PSD3: variants seen among roughly 807,000 people sequenced by gnomAD.
The protein encoded by PSD3 is PH and SEC7 domain-containing protein 3.
In PSD3, 49 loss-of-function variants were observed where a neutral mutation model predicts 105.5. The observed-to-expected ratio is 0.46, with a 90% CI of 0.37 to 0.59. PSD3 has a LOEUF of 0.59. Among genes scored for constraint, PSD3 ranks in the 20% least tolerant of loss-of-function variants. PSD3 has a pLI of 0.00. For missense variants in PSD3, 1,561 were observed against 1,263.8 expected, an observed-to-expected ratio of 1.24 and a Z score of -3.57; for synonymous variants, 557 against 457.8, an observed-to-expected ratio of 1.22 and a Z score of -2.77.
chr8:19,071,515 G>T (rs527461588), intron 1 of PSD3, among the ~76,000 whole-genome samples: 6 of 152,232 alleles, frequency 3.9e-5, no homozygotes, highest in Admixed American at 2.0e-4. Flanking sequence ...GAAGAGAAAC[G>T]GGAAGGCTGT....
At chr8:18,705,725 G>A (rs529438173) in intron 9 of PSD3, among the ~76,000 whole-genome samples, 204 of 152,156 alleles carry the variant, frequency 1.3e-3, no homozygotes, top group African/African-American at 4.5e-3. Context: ...AAGTCTTAAA[G>A]AAAGTGACAT....
At chr8:18,633,461 C>A (rs1023739336) in intron 10 of PSD3, among the ~76,000 whole-genome samples, 1 of 152,068 alleles carries the variant, frequency 6.6e-6, no homozygotes, top group Non-Finnish European at 1.5e-5. Flanking sequence ...ATCTTTATGT[C>A]CATGTGTACC....
chr8:18,731,261 A>T (rs770806579), intron 9 of PSD3, among the ~76,000 whole-genome samples: 8 of 152,208 alleles, frequency 5.3e-5, no homozygotes, highest in African/African-American at 1.2e-4. Flanking sequence ...TGTCTCAAAA[A>T]CAAAAAACAA....
At chr8:18,825,877 G>T (rs1366885368) in intron 4 of PSD3, among the ~76,000 whole-genome samples, 1 of 152,142 alleles carries the variant, frequency 6.6e-6, no homozygotes, top group African/African-American at 2.4e-5. Flanking sequence ...ACAGCAAAAA[G>T]GTCCTGGGAT....
chr8:18,672,688 A>T (rs1465039350), intron 9 of PSD3, among the ~76,000 whole-genome samples: 1 of 152,228 alleles, frequency 6.6e-6, no homozygotes, highest in Non-Finnish European at 1.5e-5. Flanking sequence ...CAATCTCAGA[A>T]GAGACAACTG....
At chr8:18,990,210 A>T (rs1190556416) in intron 1 of PSD3, among the ~76,000 whole-genome samples, 2 of 152,218 alleles carry the variant, frequency 1.3e-5, no homozygotes, top group South Asian at 2.1e-4. Flanking sequence ...TGATTTTTTT[A>T]AAAGGCTAAA....
chr8:18,832,963 A>G (rs1373468610), intron 4 of PSD3, among the ~76,000 whole-genome samples: 2 of 152,226 alleles, frequency 1.3e-5, no homozygotes, highest in Non-Finnish European at 2.9e-5. Context: ...CAGCCAAACC[A>G]TATCAGTAAA....
chr8:18,961,180 G>C (rs1823890838), intron 1 of PSD3, among the ~76,000 whole-genome samples: 1 of 152,146 alleles, frequency 6.6e-6, no homozygotes, highest in African/African-American at 2.4e-5. Flanking sequence ...GAGACATTCA[G>C]TAACAGAGAA....
chr8:18,788,887 C>T (rs1393072101), intron 8 of PSD3, among the ~76,000 whole-genome samples: 1 of 152,150 alleles, frequency 6.6e-6, no homozygotes, highest in African/African-American at 2.4e-5. Context: ...TTATGTCATG[C>T]TGCCCTCAGG....
intron 1 of PSD3, among the ~76,000 whole-genome samples, chr8:19,083,756 T>C (rs559898815): frequency 4.2e-4 from 64 of 152,298 alleles, no homozygotes; most frequent in South Asian, 3.5e-3. Flanking sequence ...GTGGGGAGGA[T>C]GTTTGCCCAG....
chr8:18,818,826 A>C (rs2129449064), intron 4 of PSD3, among the ~76,000 whole-genome samples: 1 of 152,020 alleles, frequency 6.6e-6, no homozygotes, highest in South Asian at 2.1e-4. Context: ...GACAGTCAGA[A>C]CCTCCTAACA....
intron 9 of PSD3, among the ~76,000 whole-genome samples, chr8:18,677,044 A>C (rs1800101036): frequency 1.3e-5 from 2 of 152,236 alleles, no homozygotes; most frequent in Admixed American, 6.5e-5. Flanking sequence ...AATTAAATTC[A>C]AGGGTCAAGA....
intron 13 of PSD3, among the ~76,000 whole-genome samples, chr8:18,574,785 G>C (rs971462274): frequency 6.6e-6 from 1 of 152,142 alleles, no homozygotes; most frequent in Non-Finnish European, 1.5e-5. Flanking sequence ...CTAGGAGAAA[G>C]AGCTAGAGAA....
intron 1 of PSD3, among the ~76,000 whole-genome samples, chr8:19,037,342 T>C (rs1007909662): frequency 7.2e-5 from 11 of 152,250 alleles, no homozygotes; most frequent in African/African-American, 2.4e-4. Flanking sequence ...TTGGGCCACA[T>C]GGCCTTTCAG....
chr8:18,535,609 T>G lies in PSD3; in HGVS notation c.*134A>C. 1.3e-6 allele frequency: 1 copy of G among 760,886 alleles called. No individual in the cohort carries two copies. The highest frequency in any genetic ancestry group is 1.8e-5 in the African/African-American group (1 of 56,694). 47.1% of individuals were successfully genotyped at this position (760,886 alleles called of 1,614,324 possible). On this transcript the variant is annotated 3_prime_UTR_variant, in exon 16 of 16. Coordinates refer to ENST00000327040, the MANE Select transcript of PSD3 (RefSeq NM_015310.4). Reference sequence around the variant, plus strand: ...ATCTGTACAGAAACTAACAAAAATATACAATAGAAAAAATTACTAATGCAC... The same window carrying G: ...ATCTGTACAGAAACTAACAAAAATAGACAATAGAAAAAATTACTAATGCAC...
At chr8:18,947,080 C>T (rs1822912032) in intron 1 of PSD3, among the ~76,000 whole-genome samples, 1 of 152,110 alleles carries the variant, frequency 6.6e-6, no homozygotes, top group Non-Finnish European at 1.5e-5. Flanking sequence ...CTCGTCCCCT[C>T]ACAGACTAAC....
chr8:18,629,478 A>C lies in PSD3; in HGVS notation c.2410+3135T>G, dbSNP rs12114998. ...AGAATGCTCAGCTGGTGAATCAATA[A>C]ACTGTGGGATATCCAAATAATGGAA... On this transcript the variant is annotated intron_variant, in intron 11 of 15. Transcript: ENST00000327040. Among the ~76,000 whole-genome samples, 570 of 152,154 alleles carry C rather than the reference A, an allele frequency of 3.7e-3. 2 individuals carry two copies. The highest frequency in any genetic ancestry group is 0.013 in the African/African-American group (533 of 41,556).
intron 9 of PSD3, among the ~76,000 whole-genome samples, chr8:18,728,440 G>A (rs1220328936): frequency 1.3e-5 from 2 of 152,234 alleles, no homozygotes; most frequent in African/African-American, 4.8e-5. Context: ...GGAAGGGACA[G>A]CTAACGGAAG....
At chr8:18,653,235 C>A (rs1353942450) in intron 10 of PSD3, among the ~76,000 whole-genome samples, 1 of 152,054 alleles carries the variant, frequency 6.6e-6, no homozygotes, top group Non-Finnish European at 1.5e-5. Flanking sequence ...ATCATTTCAT[C>A]CAATTCCTTC....
Sources: gnomAD v4.1 joint callset for allele counts (sites outside exome capture counted in the v4.1 genomes callset) on GRCh38, gnomAD v4.1.1 for gene constraint, MANE v1.5 for transcripts, NCBI Gene and HGNC (gene_info 2026-07-23, HGNC 2026-07-21) for gene names.